Variants in SALL4 observed in about 807,000 individuals in gnomAD.
The protein encoded by SALL4 is sal-like protein 4.
Under a neutral mutation model 60.8 loss-of-function variants are expected in SALL4, and 4 were observed. The ratio of observed to expected loss-of-function variants is 0.07; its 90% CI spans 0.03 to 0.15. The LOEUF is 0.15. Ranked by LOEUF, SALL4 falls within the 10% of genes least tolerant of loss-of-function variation. The probability of loss-of-function intolerance (pLI) is 1.00; values close to 1 mark genes in which losing one functional copy is unlikely to be tolerated. For synonymous variants in SALL4, 580 were observed against 574.9 expected, an observed-to-expected ratio of 1.01 and a Z score of -0.13; for missense variants, 1,178 against 1,394.7, an observed-to-expected ratio of 0.84 and a Z score of 2.48.
intron 1 of SALL4, among the ~76,000 whole-genome samples, chr20:51,800,459 T>C (rs1456021723): frequency 6.6e-6 from 1 of 152,190 alleles, no homozygotes; most frequent in African/African-American, 2.4e-5. Context: ...TCAGCTCAGG[T>C]TGACTCTGAT....
chr20:51,792,373 C>G (rs537213906), intron 1 of SALL4, 21 bp from the exon 2 acceptor site: 1 of 1,599,990 alleles, frequency 6.3e-7, no homozygotes, highest in African/African-American at 1.3e-5. Flanking sequence ...ACAGAAAAAG[C>G]TAAGGACTCT....
Position 51,791,704 on chromosome 20 carries a change from A to G in SALL4, c.779T>C (p.Leu260Ser), listed in dbSNP as rs767775189. 1.9e-6 allele frequency: 3 copies of G among 1,614,184 alleles called. No homozygotes were observed. The highest frequency in any genetic ancestry group is 2.5e-6 in the Non-Finnish European group (3 of 1,180,040). ...SGAGADTLKT[L>S]GSHMSQQVSA... ...AACCTGCTGAGACATGTGGCTGCCC[A>G]AGGTCTTCAGAGTGTCGGCCCCTGC... Residue 260 changes from leucine to serine, a missense_variant, in exon 2 of 4, where the codon TTG becomes TCG. By Grantham distance (145) the Leu-to-Ser change is moderately radical (BLOSUM62 -2). Coordinates refer to ENST00000217086, the MANE Select transcript of SALL4 (RefSeq NM_020436.5). The surrounding 1 kb of genome is among the most constrained non-coding windows in gnomAD (Gnocchi z 4.6).
intron 1 of SALL4, chr20:51,797,352 A>G (rs1422564068): frequency 1.3e-5 from 2 of 152,164 alleles, no homozygotes; most frequent in African/African-American, 4.8e-5. Flanking sequence ...GAAGGGATCT[A>G]TGGCACAAAA....
intron 1 of SALL4, among the ~76,000 whole-genome samples, chr20:51,797,161 T>C (rs1257130964): frequency 6.6e-6 from 1 of 151,958 alleles, no homozygotes; most frequent in African/African-American, 2.4e-5. Flanking sequence ...TATTTTCATA[T>C]AGTGTTACAA....
rs1601161359 is a variant in SALL4 at position 51,784,002 on chromosome 20, A to G, written c.*263T>C. ...GCCACTGCACTCCAGCCTGGGTGAT[A>G]GAGCGAGACTCCATCTCAAAAAAAA... On this transcript the variant is annotated 3_prime_UTR_variant, in exon 4 of 4. Coordinates refer to ENST00000217086, the MANE Select transcript of SALL4 (RefSeq NM_020436.5). 2.2e-6 allele frequency: 1 copy of G among 447,764 alleles called. No homozygotes were observed. Among genetic ancestry groups the G allele is most frequent in the East Asian group, 4.7e-5 (1 of 21,282 alleles). The allele number at this position is 447,764 out of a possible 1,614,324, so 27.7% of individuals were successfully genotyped here. A position where few individuals can be genotyped will look rare whatever the true frequency, so the allele number is the denominator to read the frequency against.
chr20:51,785,309 A>G (rs1232222396), intron 3 of SALL4, among the ~76,000 whole-genome samples: 2 of 152,250 alleles, frequency 1.3e-5, no homozygotes, highest in East Asian at 3.9e-4. Context: ...TCAAAAAAAA[A>G]TAAAAAATAA....
intron 1 of SALL4, chr20:51,792,893 T>G: frequency 4.0e-6 from 4 of 1,012,480 alleles, no homozygotes; most frequent in Non-Finnish European, 4.7e-6. Context: ...TGCTGTCCTC[T>G]CAGGTATACC....
intron 1 of SALL4, 147 bp from the exon 2 acceptor site, chr20:51,792,499 G>GCCA: frequency 1.9e-6 from 2 of 1,027,376 alleles, no homozygotes; most frequent in Non-Finnish European, 2.9e-6. Flanking sequence ...GACCAGTCTG[G>GCCA]CCAACATGGT....
chr20:51,791,905 A>C lies in SALL4; in HGVS notation c.578T>G (p.Val193Gly), dbSNP rs766093415. 1.9e-6 allele frequency: 3 copies of C among 1,614,172 alleles called. No individual in the cohort carries two copies. The highest frequency in any genetic ancestry group is 4.5e-5 in the East Asian group (2 of 44,880). Residue 193 changes from valine (V) to glycine (G), a missense_variant, in exon 2 of 4, where the codon GTG becomes GGG. Around this residue, in one of 5 missense-constraint regions of SALL4, gnomAD observed 853 missense variants for 1,036.8 expected, o/e 0.82. Transcript: ENST00000217086. This position sits in a 1 kb window ranked among gnomAD's most constrained non-coding sequence, Gnocchi z 4.6. ...LQALRGTKVA[V>G]NQRSADALPA... is the part of the protein sequence containing the mutation. ...GAGTGCATCCGCGCTCCGCTGATTC[A>C]CCGCCACCTTGGTGCCCCGTAGTGC...
chr20:51,795,354 C>A (rs1419103916), intron 1 of SALL4, among the ~76,000 whole-genome samples: 1 of 152,150 alleles, frequency 6.6e-6, no homozygotes, highest in Admixed American at 6.5e-5. Context: ...TTGCAGTGAG[C>A]CGAGACAGTG....
At chr20:51,802,149 ACT>A in intron 1 of SALL4, 128 bp downstream of exon 1, 5 of 1,122,458 alleles carry the variant, frequency 4.5e-6, no homozygotes, top group Non-Finnish European at 6.2e-6. Context: ...CCTCCCGGGC[ACT>A]GAGCCCCCAA....
At chr20:51,798,446 C>A (rs1019158333) in intron 1 of SALL4, among the ~76,000 whole-genome samples, 2 of 126,296 alleles carry the variant, frequency 1.6e-5, no homozygotes, top group Admixed American at 1.8e-4. Context: ...CACAGACATA[C>A]AATTTGTTGG....
In SALL4 at chr20:51,802,206, G is replaced by T. The variant is rs1176363100; in HGVS notation, c.130+73C>A. The T allele has an allele frequency of 5.0e-5, 75 of 1,498,594 alleles. 1 individual carries two copies. The East Asian group carries it at 1.7e-3, about 34-fold the overall frequency. 92.8% of individuals were successfully genotyped at this position (1,498,594 alleles called of 1,614,324 possible). A position where few individuals can be genotyped will look rare whatever the true frequency, so the allele number is the denominator to read the frequency against. Reference sequence around the variant, plus strand: ...CGCTGGACGCCGCCCGCTCCCCGAAGCCTGCGCCCTCGAGGATCCCGCGTA... The same window carrying T: ...CGCTGGACGCCGCCCGCTCCCCGAATCCTGCGCCCTCGAGGATCCCGCGTA... On this transcript the variant is annotated intron_variant, in intron 1 of 3. Coordinates refer to ENST00000217086, the MANE Select transcript of SALL4 (RefSeq NM_020436.5).
In SALL4 at chr20:51,791,577, G is replaced by T; in HGVS notation, c.906C>A (p.Ala302=). 1 of 1,613,688 alleles carries T rather than the reference G, an allele frequency of 6.2e-7. No homozygotes were observed. Among genetic ancestry groups the T allele is most frequent in the Non-Finnish European group, 8.5e-7 (1 of 1,180,042 alleles). ...AKLPHANIPS[A]TSSLSPGLAP... The stretch of plus-strand genomic sequence containing the variant: ...CCAGCCCTGGGGACAGGGAGCTGGT[G>T]GCAGAAGGGATGTTGGCGTGAGGTA... Residue 302 remains alanine (A), a synonymous_variant, in exon 2 of 4, where the codon GCC becomes GCA. Coordinates refer to ENST00000217086, the MANE Select transcript of SALL4 (RefSeq NM_020436.5). The surrounding 1 kb of genome is among the most constrained non-coding windows in gnomAD (Gnocchi z 4.6).
intron 1 of SALL4, among the ~76,000 whole-genome samples, chr20:51,799,551 A>T (rs1041980344): frequency 3.9e-5 from 6 of 152,352 alleles, no homozygotes; most frequent in African/African-American, 1.2e-4. Context: ...CAACAAAAGG[A>T]GCTGTTTGGC....
Position 51,791,825 on chromosome 20 carries a change from A to G in SALL4, c.658T>C (p.Cys220Arg). The change falls in exon 2 of 4, where the codon TGT (cysteine) becomes CGT (arginine). Residue 220 changes from cysteine to arginine, a missense_variant. By Grantham distance (180) the Cys-to-Arg change is radical. Around this residue, in one of 5 missense-constraint regions of SALL4, gnomAD observed 853 missense variants for 1,036.8 expected, o/e 0.82. Transcript: ENST00000217086. This position sits in a 1 kb window ranked among gnomAD's most constrained non-coding sequence, Gnocchi z 4.6. ...SIPWVLEQILCLQQQQLQQIQ... is the reference protein window; with the variant it reads ...SIPWVLEQILRLQQQQLQQIQ... ...TGCTGTAGCTGCTGCTGCTGCAGAC[A>G]CAAGATCTGCTCGAGGACCCACGGG... 6.2e-7 allele frequency: 1 copy of G among 1,614,152 alleles called. No individual in the cohort carries two copies. The highest frequency in any genetic ancestry group is 8.5e-7 in the Non-Finnish European group (1 of 1,180,052).
Position 51,789,155 on chromosome 20 carries a change from G to A in SALL4, c.2462-14C>T. The A allele has an allele frequency of 7.4e-6, 12 of 1,611,954 alleles. No individual in the cohort carries two copies. The highest frequency in any genetic ancestry group is 1.0e-5 in the Non-Finnish European group (12 of 1,178,974). On this transcript the variant is annotated splice_polypyrimidine_tract_variant and intron_variant, in intron 2 of 3. Transcript: ENST00000217086. Reference sequence around the variant, plus strand: ...GACTGCTCCGACCTAGTACACAGAGGGGAAAAAAGCCAGACCTTTATCATC... The same window carrying A: ...GACTGCTCCGACCTAGTACACAGAGAGGAAAAAAGCCAGACCTTTATCATC...
rs1428811088 is a variant in SALL4 at position 51,801,699 on chromosome 20, C to T, written c.130+580G>A. ...CAATCCCCTGCGCAGCGCGGGTGGC[C>T]CGCACCCCAGCTCCTGAGGGTGGGG... On this transcript the variant is annotated intron_variant, in intron 1 of 3. Coordinates refer to ENST00000217086, the MANE Select transcript of SALL4 (RefSeq NM_020436.5). This position sits in a 1 kb window ranked among gnomAD's most constrained non-coding sequence, Gnocchi z 5.2. The T allele has an allele frequency of 6.6e-6, 1 of 152,426 alleles. No individual in the cohort carries two copies. The highest frequency in any genetic ancestry group is 1.5e-5 in the Non-Finnish European group (1 of 68,250). The allele number at this position is 152,426 out of a possible 1,614,324, so 9.4% of individuals were successfully genotyped here.
Position 51,790,820 on chromosome 20 carries a change from C to A in SALL4, c.1663G>T (p.Val555Leu). Reference protein sequence around the residue: ...GSETLKLQQLVENIDKATTDP... With the variant: ...GSETLKLQQLLENIDKATTDP... Reference sequence around the variant, plus strand: ...GTGGTGGCCTTGTCAATGTTCTCCACCAACTGCTGCAATTTCAGGGTCTCT... The same window carrying A: ...GTGGTGGCCTTGTCAATGTTCTCCAACAACTGCTGCAATTTCAGGGTCTCT... Residue 555 changes from valine (V) to leucine (L), a missense_variant, in exon 2 of 4, where the codon GTG (valine) becomes TTG (leucine). By Grantham distance (32) the Val-to-Leu change is conservative. Coordinates refer to ENST00000217086, the MANE Select transcript of SALL4 (RefSeq NM_020436.5). The surrounding 1 kb of genome is among the most constrained non-coding windows in gnomAD (Gnocchi z 5.5). 6.2e-7 allele frequency: 1 copy of A among 1,614,090 alleles called. No homozygotes were observed. Among genetic ancestry groups the A allele is most frequent in the Non-Finnish European group, 8.5e-7 (1 of 1,180,020 alleles).
Sources: gnomAD v4.1 joint callset for allele counts (sites outside exome capture counted in the v4.1 genomes callset) on GRCh38, gnomAD v4.1.1 for gene constraint, gnomAD v4.1.1 regional missense constraint, Gnocchi (gnomAD v3.1) non-coding constraint, MANE v1.5 for transcripts, NCBI Gene and HGNC (gene_info 2026-07-23, HGNC 2026-07-21) for gene names.